CMIP: variants seen among roughly 807,000 people sequenced by gnomAD.
CMIP encodes c-Maf inducing protein, also known as C-Maf-inducing protein.
In CMIP, 13 loss-of-function variants were observed where a neutral mutation model predicts 97.3. That is an observed-to-expected ratio of 0.13 (90% CI 0.09 to 0.21). CMIP has a LOEUF of 0.21. Ranked by LOEUF, CMIP falls within the 10% of genes least tolerant of loss-of-function variation. CMIP has a pLI of 1.00. For missense variants in CMIP, 847 were observed against 1,024.9 expected, an observed-to-expected ratio of 0.83 and a Z score of 2.37; for synonymous variants, 538 against 436.3, an observed-to-expected ratio of 1.23 and a Z score of -2.91.
intron 7 of CMIP, chr16:81,665,149 T>A (rs1161794993): frequency 6.6e-6 from 1 of 152,204 alleles, no homozygotes. Flanking sequence ...CTTTAATTTT[T>A]TTTTTTAAAT....
intron 1 of CMIP, among the ~76,000 whole-genome samples, chr16:81,515,106 G>A (rs1427229811): frequency 1.3e-5 from 2 of 152,238 alleles, no homozygotes; most frequent in African/African-American, 2.4e-5. Flanking sequence ...GGAGTGCCCT[G>A]TCCCAAAGCT....
intron 1 of CMIP, among the ~76,000 whole-genome samples, chr16:81,595,273 C>G (rs574840352): frequency 6.6e-6 from 1 of 152,226 alleles, no homozygotes; most frequent in South Asian, 2.1e-4. Flanking sequence ...CATGAACCCA[C>G]TGTCTGTCTC....
intron 1 of CMIP, among the ~76,000 whole-genome samples, chr16:81,598,702 C>G (rs1278753124): frequency 6.6e-6 from 1 of 152,196 alleles, no homozygotes; most frequent in Non-Finnish European, 1.5e-5. Flanking sequence ...CATGGTGGCT[C>G]ACACCTGTAA....
chr16:81,603,031 C>T (rs4889352), intron 1 of CMIP, among the ~76,000 whole-genome samples: 7,426 of 152,246 alleles, frequency 0.049, 337 homozygotes, highest in East Asian at 0.28. Flanking sequence ...GCAAGCCTCC[C>T]GTGTTCCTGC....
intron 1 of CMIP, among the ~76,000 whole-genome samples, chr16:81,450,350 G>T (rs1181104552): frequency 1.3e-5 from 2 of 152,190 alleles, no homozygotes; most frequent in Non-Finnish European, 2.9e-5. Context: ...TTCTCATGGC[G>T]CTGGATCTGG....
chr16:81,446,845 C>T (rs1192740808), intron 1 of CMIP, among the ~76,000 whole-genome samples: 1 of 132,984 alleles, frequency 7.5e-6, no homozygotes, highest in Non-Finnish European at 1.6e-5. Context: ...TTGAACCAGT[C>T]CCCCACCCCC....
At chr16:81,617,865 G>A (rs562058968) in intron 2 of CMIP, among the ~76,000 whole-genome samples, 2 of 152,372 alleles carry the variant, frequency 1.3e-5, no homozygotes, top group South Asian at 4.1e-4. Flanking sequence ...GAGCATGCGT[G>A]GCCCCTTCCC....
intron 1 of CMIP, among the ~76,000 whole-genome samples, chr16:81,501,671 T>A (rs1225658751): frequency 2.0e-5 from 3 of 150,972 alleles, no homozygotes; most frequent in Admixed American, 6.6e-5. Flanking sequence ...GAGTGCAGTG[T>A]CGTGATCTCA....
rs13330460 is a variant in CMIP at position 81,453,804 on chromosome 16, C to T, written c.300+8263C>T. On this transcript the variant is annotated intron_variant, in intron 1 of 20. Coordinates refer to ENST00000537098, the MANE Select transcript of CMIP (RefSeq NM_198390.3). The surrounding 1 kb of genome is among the most constrained non-coding windows in gnomAD (Gnocchi z 4.0). Reference sequence around the variant, plus strand: ...TGCCCTCCCCTAGGTCCTTCATTGTCAGGGGGATGGGGAAAGAGTGAGCAC... The same window carrying T: ...TGCCCTCCCCTAGGTCCTTCATTGTTAGGGGGATGGGGAAAGAGTGAGCAC... 1.3e-5 allele frequency among the ~76,000 whole-genome samples: 2 copies of T among 152,310 alleles called. No individual in the cohort carries two copies. Among genetic ancestry groups the T allele is most frequent in the Admixed American group, 1.3e-4 (2 of 15,306 alleles).
intron 3 of CMIP, among the ~76,000 whole-genome samples, chr16:81,624,228 T>C (rs1265012169): frequency 1.3e-5 from 2 of 152,220 alleles, no homozygotes; most frequent in South Asian, 2.1e-4. Context: ...TTTATTATTA[T>C]ACTTTAAGTT....
Position 81,703,931 on chromosome 16 carries a change from G to T in CMIP, c.1945-8G>T. 6.3e-7 allele frequency: 1 copy of T among 1,590,752 alleles called. No homozygotes were observed. On this transcript the variant is annotated splice_polypyrimidine_tract_variant and splice_region_variant and intron_variant, in intron 17 of 20. Transcript: ENST00000537098. ...GCACCCTCAGGCCTCTCCCCCGTCT[G>T]CCCGCAGGACGCTGACTTGGCTCGT... is the stretch of plus-strand genomic sequence containing the variant.
At chr16:81,532,409 T>G (rs74029170) in intron 1 of CMIP, among the ~76,000 whole-genome samples, 180 of 152,352 alleles carry the variant, frequency 1.2e-3, no homozygotes, top group African/African-American at 4.1e-3. Flanking sequence ...AAAAATTTCC[T>G]GAATGACCTT....
intron 17 of CMIP, among the ~76,000 whole-genome samples, chr16:81,703,303 G>A (rs1907626875): frequency 6.6e-6 from 1 of 152,046 alleles, no homozygotes; most frequent in African/African-American, 2.4e-5. Context: ...CCACAGGGCC[G>A]CTGACACTCA....
chr16:81,505,031 C>G (rs2089682797), intron 1 of CMIP, among the ~76,000 whole-genome samples: 1 of 152,214 alleles, frequency 6.6e-6, no homozygotes, highest in South Asian at 2.1e-4. Flanking sequence ...CGCAGCTGCT[C>G]AACACACCTG....
chr16:81,472,381 G>A (rs1303213043), intron 1 of CMIP, among the ~76,000 whole-genome samples: 1 of 152,178 alleles, frequency 6.6e-6, no homozygotes, highest in African/African-American at 2.4e-5. Flanking sequence ...CGTATTTCCA[G>A]TGTCCTTCAT....
At chr16:81,480,931 C>T (rs2150756156) in intron 1 of CMIP, among the ~76,000 whole-genome samples, 1 of 152,214 alleles carries the variant, frequency 6.6e-6, no homozygotes, top group East Asian at 1.9e-4. Context: ...AGGGTGGGGT[C>T]CAAAGTTGAG....
intron 1 of CMIP, among the ~76,000 whole-genome samples, chr16:81,529,606 G>A (rs2090194534): frequency 6.6e-6 from 1 of 152,210 alleles, no homozygotes; most frequent in South Asian, 2.1e-4. Flanking sequence ...GAGGAGCTTG[G>A]GATGGGGAGG....
At chr16:81,550,764 G>C (rs1490445459) in intron 1 of CMIP, among the ~76,000 whole-genome samples, 1 of 151,932 alleles carries the variant, frequency 6.6e-6, no homozygotes. Flanking sequence ...GTGATGCCTG[G>C]TTACAGCACA....
intron 1 of CMIP, among the ~76,000 whole-genome samples, chr16:81,551,585 C>T (rs748583694): frequency 6.6e-6 from 1 of 152,198 alleles, no homozygotes; most frequent in African/African-American, 2.4e-5. Flanking sequence ...ACACTGGGGC[C>T]GTGTGCAGTA....
Sources: allele counts gnomAD v4.1 joint callset (sites outside exome capture counted in the v4.1 genomes callset), GRCh38; gene constraint gnomAD v4.1.1; non-coding constraint Gnocchi (gnomAD v3.1); transcripts MANE v1.5; gene names NCBI Gene and HGNC (gene_info 2026-07-23, HGNC 2026-07-21).